XRCC4: variants seen among roughly 807,000 people sequenced by gnomAD.
XRCC4 encodes the protein DNA repair protein XRCC4.
A neutral mutation model predicts 39.1 loss-of-function variants in XRCC4; 28 were observed. The ratio of observed to expected loss-of-function variants is 0.72; its 90% confidence interval spans 0.53 to 0.98. The LOEUF (loss-of-function observed/expected upper bound fraction) is 0.98, where lower values mean the gene tolerates loss of function less well. Ranked by LOEUF, XRCC4 falls within the 50% of genes least tolerant of loss-of-function variation. XRCC4 has a pLI of 0.00. For synonymous variants in XRCC4, 123 were observed against 126.4 expected (o/e 0.97, Z 0.18); for missense variants, 350 against 376.4 (o/e 0.93, Z 0.58).
At chr5:83,168,231 A>G (rs1749572024) in intron 3 of XRCC4, among the ~76,000 whole-genome samples, 1 of 152,170 alleles carries the variant, frequency 6.6e-6, no homozygotes. Flanking sequence ...TACCGATCAA[A>G]ATATAAGTAA....
chr5:83,372,516 A>G, the XRCC4 span, among the ~76,000 whole-genome samples: 2 of 152,150 alleles, frequency 1.3e-5, no homozygotes, highest in African/African-American at 4.8e-5. Context: ...CCCTGGGGGT[A>G]GCAGAATTTA....
chr5:83,191,530 C>T (rs1580350421), intron 3 of XRCC4, among the ~76,000 whole-genome samples: 1 of 152,216 alleles, frequency 6.6e-6, no homozygotes, highest in Non-Finnish European at 1.5e-5. Context: ...TGGTGAAACC[C>T]TGTATCTACT....
At chr5:83,094,139 G>A (rs1745559198) in intron 1 of XRCC4, among the ~76,000 whole-genome samples, 2 of 151,968 alleles carry the variant, frequency 1.3e-5, no homozygotes, top group South Asian at 4.2e-4. Context: ...CATGTACCTG[G>A]ATGTTGGCTT....
At chr5:83,252,460 C>G (rs1753358709) in intron 6 of XRCC4, among the ~76,000 whole-genome samples, 1 of 144,012 alleles carries the variant, frequency 6.9e-6, no homozygotes, top group Non-Finnish European at 1.5e-5. Flanking sequence ...ATTTATCTTA[C>G]TTTTTTTTTT....
At chr5:83,131,833 C>T (rs1400526591) in intron 3 of XRCC4, among the ~76,000 whole-genome samples, 1 of 152,128 alleles carries the variant, frequency 6.6e-6, no homozygotes, top group Non-Finnish European at 1.5e-5. Flanking sequence ...ACTCTTTCTC[C>T]AATCTGCCTG....
At chr5:83,262,250 G>A (rs887798914) in intron 7 of XRCC4, among the ~76,000 whole-genome samples, 1 of 152,160 alleles carries the variant, frequency 6.6e-6, no homozygotes, top group Non-Finnish European at 1.5e-5. Flanking sequence ...TTTTATTCCA[G>A]AGTTTGTGCC....
intron 3 of XRCC4, among the ~76,000 whole-genome samples, chr5:83,113,407 T>TC (rs1412069538): frequency 6.6e-6 from 1 of 152,116 alleles, no homozygotes; most frequent in Non-Finnish European, 1.5e-5. Context: ...TCTGTGGCTT[T>TC]CCCAGGGGCA....
At chr5:83,166,311 T>G (rs564838037) in intron 3 of XRCC4, among the ~76,000 whole-genome samples, 5 of 152,336 alleles carry the variant, frequency 3.3e-5, no homozygotes, top group Admixed American at 3.3e-4. Flanking sequence ...AATAGAAAGA[T>G]TCATATTCCT....
At chr5:83,109,620 A>G (rs1746353119) in intron 2 of XRCC4, among the ~76,000 whole-genome samples, 1 of 151,958 alleles carries the variant, frequency 6.6e-6, no homozygotes, top group South Asian at 2.1e-4. Flanking sequence ...ATGCAGACCC[A>G]TTGCCACTTT....
intron 3 of XRCC4, among the ~76,000 whole-genome samples, chr5:83,155,642 A>G (rs1231979017): frequency 2.0e-5 from 3 of 152,116 alleles, no homozygotes; most frequent in Non-Finnish European, 4.4e-5. Context: ...TTTCCACTGT[A>G]TTGAAAAATG....
At chr5:83,122,959 G>T (rs6897075) in intron 3 of XRCC4, among the ~76,000 whole-genome samples, 74,629 of 151,866 alleles carry the variant, frequency 0.49, 19,284 homozygotes, top group African/African-American at 0.64. Flanking sequence ...GAATGTAACC[G>T]TTGTTCAATG....
chr5:83,362,321 A>C, the XRCC4 span, among the ~76,000 whole-genome samples: 2 of 145,146 alleles, frequency 1.4e-5, no homozygotes, highest in Non-Finnish European at 1.5e-5. Context: ...AAAAAAAACT[A>C]TCTCATTGTT....
chr5:83,244,321 CAAAT>C (rs1469400591), intron 6 of XRCC4, among the ~76,000 whole-genome samples: 1 of 152,068 alleles, frequency 6.6e-6, no homozygotes, highest in Non-Finnish European at 1.5e-5. Context: ...TTCTGGGAGA[CAAAT>C]AATTTACTGG....
intron 3 of XRCC4, among the ~76,000 whole-genome samples, chr5:83,122,591 A>G (rs747610522): frequency 6.6e-6 from 1 of 152,156 alleles, no homozygotes; most frequent in Non-Finnish European, 1.5e-5. Flanking sequence ...GATCTTATGC[A>G]TTTTATATTA....
intron 7 of XRCC4, among the ~76,000 whole-genome samples, chr5:83,270,608 C>T (rs116571528): frequency 0.023 from 3,510 of 151,920 alleles, 114 homozygotes; most frequent in African/African-American, 0.079. Flanking sequence ...TATACTTCTC[C>T]GCATGTCTCC....
At chr5:83,133,830 C>A (rs1747734770) in intron 3 of XRCC4, among the ~76,000 whole-genome samples, 1 of 152,174 alleles carries the variant, frequency 6.6e-6, no homozygotes, top group Non-Finnish European at 1.5e-5. Flanking sequence ...CCTCCTTGGC[C>A]TTGTCGTCTG....
intron 4 of XRCC4, among the ~76,000 whole-genome samples, chr5:83,200,486 A>T (rs999253263): frequency 1.3e-5 from 2 of 152,210 alleles, no homozygotes; most frequent in Non-Finnish European, 2.9e-5. Context: ...GTTACTTAAG[A>T]TTAACAATAT....
At chr5:83,228,882 A>G (rs919848172) in intron 6 of XRCC4, among the ~76,000 whole-genome samples, 1 of 151,990 alleles carries the variant, frequency 6.6e-6, no homozygotes, top group African/African-American at 2.4e-5. Flanking sequence ...TCGATTAAGA[A>G]GTAATCAGAG....
At chr5:83,237,064 T>C (rs1386147760) in intron 6 of XRCC4, among the ~76,000 whole-genome samples, 1 of 152,014 alleles carries the variant, frequency 6.6e-6, no homozygotes, top group African/African-American at 2.4e-5. Flanking sequence ...CAATAACTGA[T>C]GCTGGTGAGG....
Sources: allele counts gnomAD v4.1 joint callset (sites outside exome capture counted in the v4.1 genomes callset), GRCh38; gene constraint gnomAD v4.1.1; transcripts MANE v1.5; gene names NCBI Gene and HGNC (gene_info 2026-07-23, HGNC 2026-07-21).